LPA: variants seen among roughly 807,000 people sequenced by gnomAD.
The protein encoded by LPA is apolipoprotein(a).
Under a neutral mutation model 197.9 loss-of-function variants are expected in LPA, and 199 were observed. That is an observed-to-expected ratio of 1.01 (90% CI 0.90 to 1.13). The LOEUF is 1.13. Among genes scored for constraint, LPA ranks in the 50% most tolerant of loss-of-function variants. LPA has a pLI of 0.00. For synonymous variants in LPA, 715 were observed against 639.5 expected (o/e 1.12, Z -1.78); for missense variants, 1,853 against 1,785.8 (o/e 1.04, Z -0.68).
In LPA at chr6:160,599,621, A is replaced by G. The variant is rs1779199904; in HGVS notation, c.3166T>C (p.Tyr1056His). ...EETPGVQDCY[Y>H]HYGQSYRGTY... ...CCTCGGTAACTCTGTCCATAATGGT[A>G]GTAGCAGTCCTGTACCCCGGGGGTT... The change falls in exon 20 of 39, where the codon TAC (tyrosine) becomes CAC (histidine). Residue 1056 changes from tyrosine to histidine, a missense_variant. This residue lies in a region of LPA where 1,737 missense variants were observed against 1,504.4 expected (regional missense o/e 1.15). Transcript: ENST00000316300. 6.2e-7 allele frequency: 1 copy of G among 1,614,146 alleles called. No individual in the cohort carries two copies. The highest frequency in any genetic ancestry group is 2.2e-5 in the East Asian group (1 of 44,870).
chr6:160,611,789 G>C, intron 15 of LPA, 68 bp from the exon 16 acceptor site: 1 of 1,189,634 alleles, frequency 8.4e-7, no homozygotes, highest in South Asian at 1.4e-5. Flanking sequence ...AGCCATTTAT[G>C]ACACAACCAG....
chr6:160,611,203 T>G (rs1456451866), intron 16 of LPA, among the ~76,000 whole-genome samples: 3 of 152,112 alleles, frequency 2.0e-5, no homozygotes, highest in Non-Finnish European at 4.4e-5. Flanking sequence ...CAATCTTCCC[T>G]TCAGGAATTG....
intron 1 of LPA, among the ~76,000 whole-genome samples, chr6:160,660,880 G>A (rs893029586): frequency 4.6e-5 from 7 of 152,182 alleles, no homozygotes; most frequent in African/African-American, 1.7e-4. Flanking sequence ...TTTCCAAGGT[G>A]TTGATAGGCA....
At position 160,541,209 on chromosome 6, in the gene LPA, G is replaced by A. The variant is rs780039794; in HGVS notation, c.5520-28C>T. On this transcript the variant is annotated intron_variant, in intron 34 of 38. Transcript: ENST00000316300. ...AGAAAGAAAACATGCCAAGGCTTTGGTCAAATTGGATGGTTTGTTCTACTT... is the reference window on the plus strand; with the variant it reads ...AGAAAGAAAACATGCCAAGGCTTTGATCAAATTGGATGGTTTGTTCTACTT... 42 of 1,518,366 alleles carry A rather than the reference G, an allele frequency of 2.8e-5. No homozygotes were observed. The East Asian group carries it at 9.0e-4, about 33-fold the overall frequency. 94.1% of individuals were successfully genotyped at this position (1,518,366 alleles called of 1,614,324 possible). A position where few individuals can be genotyped will look rare whatever the true frequency, so the allele number is the denominator to read the frequency against.
At chr6:160,607,151 C>T (rs966191398) in intron 16 of LPA, among the ~76,000 whole-genome samples, 1 of 152,042 alleles carries the variant, frequency 6.6e-6, no homozygotes, top group Non-Finnish European at 1.5e-5. Context: ...GGAGGATAAC[C>T]TTTCCAGGTC....
At chr6:160,578,487 T>A in intron 27 of LPA, 36 bp downstream of exon 27, 1 of 1,612,430 alleles carries the variant, frequency 6.2e-7, no homozygotes, top group South Asian at 1.1e-5. Flanking sequence ...TGGTTTTTCA[T>A]CCCAGTATAT....
chr6:160,660,635 C>T (rs750279056), intron 1 of LPA, among the ~76,000 whole-genome samples: 19 of 152,310 alleles, frequency 1.2e-4, no homozygotes, highest in East Asian at 3.9e-4. Flanking sequence ...GGTTGTAACA[C>T]TGTCACTTTG....
intron 28 of LPA, among the ~76,000 whole-genome samples, chr6:160,574,361 T>C (rs1778616988): frequency 6.6e-6 from 1 of 151,978 alleles, no homozygotes; most frequent in Non-Finnish European, 1.5e-5. Context: ...CTTTAGTCCT[T>C]CCCCCACCTG....
At chr6:160,537,714 A>AC in intron 37 of LPA, 141 bp downstream of exon 37, 1 of 753,628 alleles carries the variant, frequency 1.3e-6, no homozygotes, top group Non-Finnish European at 2.4e-6. Context: ...GGAGACATAG[A>AC]CAGGTGTCCA....
chr6:160,657,494 G>A (rs1263937864), intron 1 of LPA, among the ~76,000 whole-genome samples: 1 of 151,226 alleles, frequency 6.6e-6, no homozygotes, highest in Non-Finnish European at 1.5e-5. Flanking sequence ...TGCCTCACAG[G>A]TTCAAGCAGT....
intron 16 of LPA, among the ~76,000 whole-genome samples, chr6:160,609,759 G>A (rs1266159796): frequency 6.6e-6 from 1 of 151,856 alleles, no homozygotes; most frequent in Non-Finnish European, 1.5e-5. Flanking sequence ...TTAGGGATGT[G>A]CATGTGTGTG....
rs538209184 is a variant in LPA, at chr6:160,606,634, C to T, written c.2628G>A (p.Arg876=). ...AAGGGGCTGCCACAGGATCTGGATTCCTGCAGTAGTTCATGATCAAGCCAC... is the reference window on the plus strand; with the variant it reads ...AAGGGGCTGCCACAGGATCTGGATTTCTGCAGTAGTTCATGATCAAGCCAC... The part of the protein sequence containing the change: ...PNAGLIMNYC[R]NPDPVAAPYC... Residue 876 remains arginine, a synonymous_variant, in exon 17 of 39, where the codon AGG becomes AGA. Coordinates refer to ENST00000316300, the MANE Select transcript of LPA (RefSeq NM_005577.4). The T allele has an allele frequency of 2.5e-6, 4 of 1,614,014 alleles. No individual in the cohort carries two copies. The South Asian group carries it at 4.4e-5, about 18-fold the overall frequency.
At chr6:160,654,154 G>A (rs542394067) in intron 1 of LPA, among the ~76,000 whole-genome samples, 12 of 104,580 alleles carry the variant, frequency 1.1e-4, no homozygotes, top group South Asian at 6.7e-4. Context: ...TTAACTCAGC[G>A]GATCACAAGG....
intron 38 of LPA, 110 bp from the exon 39 acceptor site, chr6:160,532,000 G>T: frequency 1.5e-6 from 2 of 1,291,512 alleles, no homozygotes; most frequent in South Asian, 2.5e-5. Context: ...ATTCAAATCA[G>T]AAAGGAACTT....
At chr6:160,604,980 C>G in intron 18 of LPA, 66 bp downstream of exon 18, 1 of 1,604,516 alleles carries the variant, frequency 6.2e-7, no homozygotes, top group Non-Finnish European at 8.5e-7. Flanking sequence ...CAGCTTGAAG[C>G]ATGACTCTAC....
rs547173460 is a variant in LPA at position 160,641,057 on chromosome 6, T to C, written c.552-209A>G. Among the ~76,000 whole-genome samples, 3 of 139,666 alleles carry C rather than the reference T, an allele frequency of 2.1e-5. 1 individual carries two copies. The highest frequency in any genetic ancestry group is 1.4e-4 in the Admixed American group (2 of 14,456). 91.6% of individuals were successfully genotyped at this position (139,666 alleles called of 152,430 possible). A position where few individuals can be genotyped will look rare whatever the true frequency, so the allele number is the denominator to read the frequency against. ...CATACTTAATAGATTATTACTATTTTTTTAAATAAAAAATCTAAAGTAGCA... is the reference window on the plus strand; with the variant it reads ...CATACTTAATAGATTATTACTATTTCTTTAAATAAAAAATCTAAAGTAGCA... On this transcript the variant is annotated intron_variant, in intron 4 of 38. Coordinates refer to ENST00000316300, the MANE Select transcript of LPA (RefSeq NM_005577.4).
In LPA at chr6:160,540,030, G is replaced by A; in HGVS notation, c.5735+13C>T. Reference sequence around the variant, plus strand: ...TCACCAGCGTGGGGTGAAGACCACAGGTGAGCGAGTACCTGCTTAGCTTTA... The same window carrying A: ...TCACCAGCGTGGGGTGAAGACCACAAGTGAGCGAGTACCTGCTTAGCTTTA... On this transcript the variant is annotated intron_variant, in intron 36 of 38. Transcript: ENST00000316300. 1 of 1,614,102 alleles carries A rather than the reference G, an allele frequency of 6.2e-7. No individual in the cohort carries two copies. The highest frequency in any genetic ancestry group is 1.3e-5 in the African/African-American group (1 of 75,022).
Position 160,557,509 on chromosome 6 carries a change from G to T in LPA, c.4694C>A (p.Thr1565Asn), listed in dbSNP as rs185021892. ...DSGKQPWCYT[T>N]DPCVRWEYCN... is the part of the protein sequence containing the mutation. ...GTACTCCCACCTCACACACGGATCG[G>T]TTGTGTAACACCAGGGTTGTTTCCC... Residue 1565 changes from threonine (T) to asparagine (N), a missense_variant, in exon 29 of 39, where the codon ACC becomes AAC. This residue lies in a region of LPA where 1,737 missense variants were observed against 1,504.4 expected (regional missense o/e 1.15). Coordinates refer to ENST00000316300, the MANE Select transcript of LPA (RefSeq NM_005577.4). 6.2e-7 allele frequency: 1 copy of T among 1,614,066 alleles called. No individual in the cohort carries two copies.
chr6:160,599,945 T>C (rs1779206558), intron 19 of LPA, among the ~76,000 whole-genome samples: 2 of 152,206 alleles, frequency 1.3e-5, no homozygotes, highest in Non-Finnish European at 1.5e-5. Flanking sequence ...TGGAAGCTCA[T>C]TTCTAGGAAT....
Sources: allele counts gnomAD v4.1 joint callset (sites outside exome capture counted in the v4.1 genomes callset), GRCh38; gene constraint gnomAD v4.1.1; regional missense constraint gnomAD v4.1.1; transcripts MANE v1.5; gene names NCBI Gene and HGNC (gene_info 2026-07-23, HGNC 2026-07-21).